KSR2: variants seen among roughly 807,000 people sequenced by gnomAD.
KSR2 encodes kinase suppressor of ras 2.
Under a neutral mutation model 107.8 loss-of-function variants are expected in KSR2, and 25 were observed. The ratio of observed to expected loss-of-function variants is 0.23; its 90% CI spans 0.17 to 0.32. The LOEUF (loss-of-function observed/expected upper bound fraction) is 0.32. KSR2 is among the 10% of genes least tolerant of loss of function. The pLI is 1.00. For missense variants in KSR2, 887 were observed against 1,268.9 expected, an observed-to-expected ratio of 0.70 and a Z score of 4.57; for synonymous variants, 480 against 507.0, an observed-to-expected ratio of 0.95 and a Z score of 0.71.
intron 4 of KSR2, among the ~76,000 whole-genome samples, chr12:117,725,516 T>A (rs1375066671): frequency 6.6e-6 from 1 of 152,164 alleles, no homozygotes; most frequent in African/African-American, 2.4e-5. Context: ...TTACTTTACA[T>A]CATATGCAAA....
chr12:117,696,774 G>A (rs1388886795), intron 4 of KSR2, among the ~76,000 whole-genome samples: 2 of 152,084 alleles, frequency 1.3e-5, no homozygotes, highest in Non-Finnish European at 1.5e-5. Context: ...GCCAGGCCCA[G>A]ATAACATCCA....
At chr12:117,606,095 T>C (rs57373422) in intron 5 of KSR2, among the ~76,000 whole-genome samples, 1 of 152,084 alleles carries the variant, frequency 6.6e-6, no homozygotes, top group Non-Finnish European at 1.5e-5. Flanking sequence ...GATTAGATGC[T>C]TGCAGAGTGC....
intron 3 of KSR2, among the ~76,000 whole-genome samples, chr12:117,805,024 A>G (rs1435252589): frequency 2.0e-5 from 3 of 152,194 alleles, no homozygotes; most frequent in Non-Finnish European, 4.4e-5. Flanking sequence ...GTGACCAACC[A>G]TCGCGGATGG....
At chr12:117,543,435 G>A (rs1181334285) in intron 9 of KSR2, among the ~76,000 whole-genome samples, 3 of 152,128 alleles carry the variant, frequency 2.0e-5, no homozygotes, top group Non-Finnish European at 4.4e-5. Context: ...CTTGATGACT[G>A]TATCTATATA....
intron 1 of KSR2, among the ~76,000 whole-genome samples, chr12:117,905,706 G>A (rs1431305659): frequency 2.0e-5 from 3 of 152,146 alleles, no homozygotes; most frequent in African/African-American, 7.2e-5. Flanking sequence ...AGCAAGTGAC[G>A]AGGGTTCAGA....
rs374027526 is a variant in KSR2, at chr12:117,576,485, T to C, written c.1325+2634A>G. On this transcript the variant is annotated intron_variant, in intron 7 of 19. Coordinates refer to ENST00000339824, the MANE Select transcript of KSR2 (RefSeq NM_173598.6). ...ACTAATGCTTGGTAATTATTGCTCC[T>C]GCTTCTCCTTAAAAAAAAATTTTTT... Among the ~76,000 whole-genome samples, 3 of 152,182 alleles carry C rather than the reference T, an allele frequency of 2.0e-5. No individual in the cohort carries two copies. The East Asian group carries it at 5.8e-4, about 29-fold the overall frequency.
chr12:117,775,311 C>T (rs1279282390), intron 3 of KSR2, among the ~76,000 whole-genome samples: 5 of 152,178 alleles, frequency 3.3e-5, no homozygotes. Context: ...ACATCCTCAC[C>T]AACACTTGTT....
chr12:117,579,282 AG>A lies in KSR2; in HGVS notation c.1242-81del, dbSNP rs1272094918. The A allele has an allele frequency of 1.6e-5, 16 of 974,830 alleles. No individual in the cohort carries two copies. The East Asian group carries it at 4.0e-4, about 25-fold the overall frequency. The allele number at this position is 974,830 out of a possible 1,614,324, so 60.4% of individuals were successfully genotyped here. A position where few individuals can be genotyped will look rare whatever the true frequency, so the allele number is the denominator to read the frequency against. On this transcript the variant is annotated intron_variant, in intron 6 of 19. Coordinates refer to ENST00000339824, the MANE Select transcript of KSR2 (RefSeq NM_173598.6). ...CTCTAGAGGGATGAAGTACTTGAAGAGCAAGCACATGAACCCTGGATTCCAG... is the reference window on the plus strand; with the variant it reads ...CTCTAGAGGGATGAAGTACTTGAAGACAAGCACATGAACCCTGGATTCCAG...
At chr12:117,704,880 A>T (rs999044311) in intron 4 of KSR2, among the ~76,000 whole-genome samples, 1 of 152,014 alleles carries the variant, frequency 6.6e-6, no homozygotes, top group Non-Finnish European at 1.5e-5. Flanking sequence ...AAAGTACACA[A>T]TGAAGAAGGA....
At chr12:117,653,249 G>A (rs1352220494) in intron 5 of KSR2, among the ~76,000 whole-genome samples, 1 of 152,238 alleles carries the variant, frequency 6.6e-6, no homozygotes, top group Non-Finnish European at 1.5e-5. Flanking sequence ...TGTACCAGAT[G>A]TGGTTTCATT....
At position 117,902,036 on chromosome 12, in the gene KSR2, C is replaced by A. The variant is rs77514640; in HGVS notation, c.181-41605G>T. Among the ~76,000 whole-genome samples the A allele has an allele frequency of 3.2e-3, 488 of 152,312 alleles. 1 individual carries two copies. The highest frequency in any genetic ancestry group is 0.011 in the African/African-American group (467 of 41,556). ...CTTTCTCTCAGCCAGCATGTAGTCA[C>A]CAGTCAAGGACTTCCATCTTCATAA... On this transcript the variant is annotated intron_variant, in intron 1 of 19. Coordinates refer to ENST00000339824, the MANE Select transcript of KSR2 (RefSeq NM_173598.6).
chr12:117,761,936 C>T (rs7138973), intron 3 of KSR2, among the ~76,000 whole-genome samples: 23,045 of 152,216 alleles, frequency 0.15, 2,002 homozygotes, highest in East Asian at 0.29. Context: ...TTACCTCTTA[C>T]AGACATTCTA....
intron 5 of KSR2, among the ~76,000 whole-genome samples, chr12:117,607,914 G>A (rs1244022493): frequency 6.6e-6 from 1 of 152,196 alleles, no homozygotes; most frequent in African/African-American, 2.4e-5. Flanking sequence ...TGCCACTGAA[G>A]CGTGAGCAGC....
intron 5 of KSR2, among the ~76,000 whole-genome samples, chr12:117,628,835 T>C (rs1882664051): frequency 6.6e-6 from 1 of 152,262 alleles, no homozygotes; most frequent in Non-Finnish European, 1.5e-5. Flanking sequence ...CAGTAGGCCT[T>C]GTTGAGCTGC....
At chr12:117,901,343 C>T (rs1053341006) in intron 1 of KSR2, among the ~76,000 whole-genome samples, 1 of 149,476 alleles carries the variant, frequency 6.7e-6, no homozygotes, top group Non-Finnish European at 1.5e-5. Context: ...CACTCTGTTA[C>T]TCAGGCCGGA....
chr12:117,914,584 G>C (rs1023996784), intron 1 of KSR2, among the ~76,000 whole-genome samples: 2 of 152,194 alleles, frequency 1.3e-5, no homozygotes, highest in Non-Finnish European at 2.9e-5. Flanking sequence ...ACCTAGGCTA[G>C]AATGCAGTGC....
intron 5 of KSR2, among the ~76,000 whole-genome samples, chr12:117,591,866 G>A (rs1245712863): frequency 6.6e-6 from 1 of 151,940 alleles, no homozygotes; most frequent in African/African-American, 2.4e-5. Context: ...AAAGTTAGGA[G>A]GGTGTGGTGG....
rs199606810 is a variant in KSR2, at chr12:117,637,675, G to T, written c.1171+29799C>A. Among the ~76,000 whole-genome samples the T allele has an allele frequency of 1.5e-4, 14 of 92,114 alleles. No individual in the cohort carries two copies. In the East Asian group the frequency reaches 1.9e-3, roughly 13 times the overall value. 60.4% of individuals were successfully genotyped at this position (92,114 alleles called of 152,430 possible). ...AATGGGACCCAGCAGTCAGTTTTGGGTTTTTTTTTTTTTTTTTTTTTTTTG... is the reference window on the plus strand; with the variant it reads ...AATGGGACCCAGCAGTCAGTTTTGGTTTTTTTTTTTTTTTTTTTTTTTTTG... On this transcript the variant is annotated intron_variant, in intron 5 of 19. Coordinates refer to ENST00000339824, the MANE Select transcript of KSR2 (RefSeq NM_173598.6).
chr12:117,904,031 C>T (rs1894767480), intron 1 of KSR2, among the ~76,000 whole-genome samples: 1 of 151,968 alleles, frequency 6.6e-6, no homozygotes, highest in African/African-American at 2.4e-5. Context: ...CTTTGAATGG[C>T]TTGGTCAAAA....
Sources: gnomAD v4.1 joint callset for allele counts (sites outside exome capture counted in the v4.1 genomes callset) on GRCh38, gnomAD v4.1.1 for gene constraint, MANE v1.5 for transcripts, NCBI Gene and HGNC (gene_info 2026-07-23, HGNC 2026-07-21) for gene names.